Variants in ANKS1B observed in about 807,000 individuals in gnomAD.
ANKS1B encodes the protein ankyrin repeat and sterile alpha motif domain containing 1B, also known as ankyrin repeat and sterile alpha motif domain-containing protein 1B.
ANKS1B carries 36 observed loss-of-function variants against 148.3 expected under a neutral mutation model. The observed-to-expected ratio is 0.24, with a 90% confidence interval of 0.19 to 0.32. ANKS1B has a LOEUF of 0.32. Among genes scored for constraint, ANKS1B ranks in the 10% least tolerant of loss-of-function variants. The pLI is 1.00. For missense variants in ANKS1B, 1,157 were observed against 1,542.6 expected (o/e 0.75, Z 4.19); for synonymous variants, 542 against 560.8 (o/e 0.97, Z 0.47).
At chr12:99,852,994 A>G (rs1030962985) in intron 1 of ANKS1B, among the ~76,000 whole-genome samples, 2 of 152,108 alleles carry the variant, frequency 1.3e-5, no homozygotes, top group African/African-American at 4.8e-5. Context: ...AGGCAGCCAT[A>G]ATCCCCCTGG....
chr12:98,841,412 C>A (rs1369545926), intron 17 of ANKS1B, among the ~76,000 whole-genome samples: 6 of 152,098 alleles, frequency 3.9e-5, no homozygotes, highest in African/African-American at 1.4e-4. Flanking sequence ...TGCCCCTCTT[C>A]TTGAGGTTTA....
At chr12:99,899,949 A>G (rs2093531944) in intron 1 of ANKS1B, among the ~76,000 whole-genome samples, 2 of 151,336 alleles carry the variant, frequency 1.3e-5, no homozygotes, top group East Asian at 3.9e-4. Flanking sequence ...CCCAGGCTGG[A>G]GTGCAGTGGC....
At chr12:99,545,375 G>T (rs1312040805) in intron 9 of ANKS1B, among the ~76,000 whole-genome samples, 1 of 152,056 alleles carries the variant, frequency 6.6e-6, no homozygotes, top group Non-Finnish European at 1.5e-5. Flanking sequence ...TCTTGAAATT[G>T]TCCCCTAAGA....
At chr12:99,012,417 T>C (rs2099940001) in intron 17 of ANKS1B, among the ~76,000 whole-genome samples, 2 of 152,226 alleles carry the variant, frequency 1.3e-5, no homozygotes, top group African/African-American at 4.8e-5. Context: ...ATAGTTTCAC[T>C]ACTGCAATTT....
At chr12:99,138,244 G>T (rs12426468) in intron 15 of ANKS1B, among the ~76,000 whole-genome samples, 8 of 151,998 alleles carry the variant, frequency 5.3e-5, no homozygotes, top group Non-Finnish European at 1.2e-4. Flanking sequence ...GAGGATTATT[G>T]CTTTAGCTAT....
At chr12:99,239,670 A>T (rs989345128) in intron 14 of ANKS1B, among the ~76,000 whole-genome samples, 8 of 152,212 alleles carry the variant, frequency 5.3e-5, no homozygotes, top group African/African-American at 1.9e-4. Flanking sequence ...CCAGAGAGAA[A>T]GGTTGGGTTA....
rs567280919 is a variant in ANKS1B, at chr12:99,134,243, TA to T, written c.2526+20045del. ...TCTTTTTTCTCCTCTTAGATCCCAG[TA>T]AAAAAAGCTAAAAAAAGAATTCATG... is the stretch of plus-strand genomic sequence containing the variant. On this transcript the variant is annotated intron_variant, in intron 15 of 26. Transcript: ENST00000683438. Among the ~76,000 whole-genome samples, 94 of 152,008 alleles carry T rather than the reference TA, an allele frequency of 6.2e-4. No individual in the cohort carries two copies. The South Asian group carries it at 0.019, about 31-fold the overall frequency.
intron 17 of ANKS1B, among the ~76,000 whole-genome samples, chr12:98,957,306 T>G (rs1335479084): frequency 2.8e-5 from 4 of 144,518 alleles, no homozygotes. Context: ...CAGGATTTTT[T>G]TTAAATATTT....
chr12:99,395,372 C>T (rs1593888506), intron 12 of ANKS1B, among the ~76,000 whole-genome samples: 2 of 152,146 alleles, frequency 1.3e-5, no homozygotes, highest in African/African-American at 4.8e-5. Context: ...CTATCCCTCA[C>T]CCTCTCTTCT....
Position 99,806,440 on chromosome 12 carries a change from C to T in ANKS1B, c.633G>A (p.Gln211=). The change falls in exon 4 of 27, where the codon CAG becomes CAA. Residue 211 remains glutamine, a synonymous_variant. Coordinates refer to ENST00000683438, the MANE Select transcript of ANKS1B (RefSeq NM_001352186.2). ...CATCCATTCCTGCCTCCAGCAGCAC[C>T]TGCACGACTGCTTTGTGGCCATTGC... The part of the protein sequence containing the change: ...AARNGHKAVV[Q]VLLEAGMDVS... 1 of 1,613,984 alleles carries T rather than the reference C, an allele frequency of 6.2e-7. No individual in the cohort carries two copies. The highest frequency in any genetic ancestry group is 1.1e-5 in the South Asian group (1 of 91,084).
intron 1 of ANKS1B, among the ~76,000 whole-genome samples, chr12:99,853,613 C>CGAA (rs1216622542): frequency 6.6e-6 from 1 of 152,160 alleles, no homozygotes; most frequent in Non-Finnish European, 1.5e-5. Flanking sequence ...GATCCTCCCT[C>CGAA]TGACGTAGCT....
intron 12 of ANKS1B, among the ~76,000 whole-genome samples, chr12:99,323,924 G>A (rs2085807930): frequency 6.6e-6 from 1 of 151,932 alleles, no homozygotes; most frequent in Non-Finnish European, 1.5e-5. Flanking sequence ...TCCTCTTTGG[G>A]CCTCATTTAT....
chr12:99,798,694 C>A (rs1287308311), intron 4 of ANKS1B, among the ~76,000 whole-genome samples: 2 of 151,914 alleles, frequency 1.3e-5, no homozygotes, highest in Non-Finnish European at 1.5e-5. Context: ...AGGAAAATGG[C>A]ACAAGAGAAA....
At chr12:98,814,275 A>G (rs1566808968) in intron 19 of ANKS1B, among the ~76,000 whole-genome samples, 1 of 152,224 alleles carries the variant, frequency 6.6e-6, no homozygotes, top group East Asian at 1.9e-4. Context: ...ACGAGAGAGG[A>G]AACTTTTTCA....
At chr12:99,638,210 C>G (rs752213962) in intron 9 of ANKS1B, among the ~76,000 whole-genome samples, 6 of 151,962 alleles carry the variant, frequency 3.9e-5, no homozygotes, top group African/African-American at 1.5e-4. Flanking sequence ...ACTGGGTAAC[C>G]GGCAGAGGTT....
intron 8 of ANKS1B, among the ~76,000 whole-genome samples, chr12:99,768,825 G>GAAAA (rs71088151): frequency 2.9e-5 from 2 of 69,376 alleles, no homozygotes; most frequent in Non-Finnish European, 2.6e-5. Context: ...CTCCGTCTCA[G>GAAAA]AAAAAAAAAA....
rs190004728 is a variant in ANKS1B, at chr12:99,246,363, C to A, written c.2258G>T (p.Arg753Ile). The stretch of plus-strand genomic sequence containing the variant: ...AGTGGAAGATTCACTCCAGTTAACT[C>A]TTGATGTTTTCTCATTGGAAGGATA... ...IAYPSNEKTS[R>I]VNWSESSTAE... is the part of the protein sequence containing the mutation. The change falls in exon 13 of 27, where the codon AGA (arginine) becomes ATA (isoleucine). Residue 753 changes from arginine (R) to isoleucine (I), a missense_variant. By Grantham distance (97) the Arg-to-Ile change is moderately conservative (BLOSUM62 -3). Around this residue, in one of 6 missense-constraint regions of ANKS1B, gnomAD observed 661 missense variants for 642.1 expected, o/e 1.03. Coordinates refer to ENST00000683438, the MANE Select transcript of ANKS1B (RefSeq NM_001352186.2). 2 of 1,613,662 alleles carry A rather than the reference C, an allele frequency of 1.2e-6. No homozygotes were observed. The highest frequency in any genetic ancestry group is 1.7e-5 in the Admixed American group (1 of 59,948).
chr12:99,354,344 G>A (rs1566946117), intron 12 of ANKS1B, among the ~76,000 whole-genome samples: 1 of 151,940 alleles, frequency 6.6e-6, no homozygotes, highest in Non-Finnish European at 1.5e-5. Context: ...TTCCTTGTAT[G>A]GTTTTGGATG....
At chr12:99,833,859 C>G (rs966769209) in intron 1 of ANKS1B, among the ~76,000 whole-genome samples, 1 of 152,038 alleles carries the variant, frequency 6.6e-6, no homozygotes. Flanking sequence ...TTATAATACA[C>G]ACATTTTTAA....
Sources: gnomAD v4.1 joint callset for allele counts (sites outside exome capture counted in the v4.1 genomes callset) on GRCh38, gnomAD v4.1.1 for gene constraint, gnomAD v4.1.1 regional missense constraint, MANE v1.5 for transcripts, NCBI Gene and HGNC (gene_info 2026-07-23, HGNC 2026-07-21) for gene names.